The following LRRC8A variants were observed in gnomAD, a reference collection of about 807,000 sequenced individuals.
LRRC8A encodes volume-regulated anion channel subunit LRRC8A.
In LRRC8A, 24 loss-of-function variants were observed where a neutral mutation model predicts 52.5. That is an observed-to-expected ratio of 0.46 (90% CI 0.33 to 0.64). LRRC8A has a LOEUF of 0.64. Among genes scored for constraint, LRRC8A ranks in the 30% least tolerant of loss-of-function variants. LRRC8A has a pLI of 0.02. For missense variants in LRRC8A, 677 were observed against 1,094.7 expected (o/e 0.62, Z 5.38); for synonymous variants, 492 against 494.2 (o/e 1.00, Z 0.06).
chr9:128,913,154 G>A (rs540693361), intron 3 of LRRC8A, among the ~76,000 whole-genome samples: 1 of 152,288 alleles, frequency 6.6e-6, no homozygotes, highest in East Asian at 1.9e-4. Context: ...AGAGCGTGGG[G>A]CACATGGGGC....
rs1839943861 is a variant in LRRC8A at position 128,899,408 on chromosome 9, C to T, written c.-8-7749C>T. Reference sequence around the variant, plus strand: ...GGGCTCTCGGTGGGGTCTGCTCCATCTGAATGGCCCACCCTGGAGGTGCTG... The same window carrying T: ...GGGCTCTCGGTGGGGTCTGCTCCATTTGAATGGCCCACCCTGGAGGTGCTG... On this transcript the variant is annotated intron_variant, in intron 2 of 3. Transcript: ENST00000372600. The surrounding 1 kb of genome is among the most constrained non-coding windows in gnomAD (Gnocchi z 4.0). Among the ~76,000 whole-genome samples, 1 of 151,510 alleles carries T rather than the reference C, an allele frequency of 6.6e-6. No individual in the cohort carries two copies. Among genetic ancestry groups the T allele is most frequent in the South Asian group, 2.1e-4 (1 of 4,754 alleles).
At chr9:128,905,506 C>G (rs562601854) in intron 2 of LRRC8A, among the ~76,000 whole-genome samples, 32 of 152,266 alleles carry the variant, frequency 2.1e-4, no homozygotes, top group African/African-American at 7.2e-4. Flanking sequence ...GCCAGTGTTT[C>G]CCAAGCTTGG....
intron 2 of LRRC8A, among the ~76,000 whole-genome samples, chr9:128,905,720 T>G (rs564336724): frequency 6.6e-6 from 1 of 152,056 alleles, no homozygotes; most frequent in African/African-American, 2.4e-5. Flanking sequence ...GGTGCAGGCC[T>G]GTAGTCCCAG....
chr9:128,906,395 T>C (rs1362803165), intron 2 of LRRC8A, among the ~76,000 whole-genome samples: 1 of 134,094 alleles, frequency 7.5e-6, no homozygotes, highest in African/African-American at 2.8e-5. Flanking sequence ...CAATCTCAGC[T>C]CACTGCAACC....
chr9:128,915,568 G>A (rs1342616196), intron 3 of LRRC8A, among the ~76,000 whole-genome samples: 12 of 152,184 alleles, frequency 7.9e-5, no homozygotes, highest in African/African-American at 1.7e-4. Flanking sequence ...CTCGTGATCC[G>A]CCCGCCTCAG....
chr9:128,888,869 C>T (rs1013279404), intron 2 of LRRC8A, among the ~76,000 whole-genome samples: 5 of 152,060 alleles, frequency 3.3e-5, no homozygotes, highest in African/African-American at 7.2e-5. Context: ...AGAGCTGGCC[C>T]CTCCACAGAT....
chr9:128,907,373 G>A lies in LRRC8A; in HGVS notation c.209G>A (p.Arg70Gln), dbSNP rs762843165. The A allele has an allele frequency of 9.1e-5, 147 of 1,613,380 alleles. 1 individual carries two copies. The highest frequency in any genetic ancestry group is 3.6e-4 in the South Asian group (33 of 91,080). Residue 70 changes from arginine to glutamine, a missense_variant, in exon 3 of 4, where the codon CGG (arginine) becomes CAG (glutamine). Around this residue, in one of 4 missense-constraint regions of LRRC8A, gnomAD observed 54 missense variants for 49.7 expected, o/e 1.09. Coordinates refer to ENST00000372600, the MANE Select transcript of LRRC8A (RefSeq NM_019594.4). This position sits in a 1 kb window ranked among gnomAD's most constrained non-coding sequence, Gnocchi z 9.3. ...AAGGACTCCTGCAATGATTCGTTCC[G>A]GGGCTGGGCAGCCCCTGGCCCGGAG... ...VTKDSCNDSF[R>Q]GWAAPGPEPT...
chr9:128,893,118 G>C (rs1012536711), intron 2 of LRRC8A, among the ~76,000 whole-genome samples: 1 of 152,116 alleles, frequency 6.6e-6, no homozygotes, highest in Non-Finnish European at 1.5e-5. Context: ...TGAACCTAAT[G>C]ACTGGCTCTG....
rs778685359 is a variant in LRRC8A, at chr9:128,908,664, C to G, written c.1500C>G (p.Ile500Met). The change falls in exon 3 of 4, where the codon ATC (isoleucine) becomes ATG (methionine). Residue 500 changes from isoleucine to methionine, a missense_variant. Coordinates refer to ENST00000372600, the MANE Select transcript of LRRC8A (RefSeq NM_019594.4). ...GTGAGAACCTGCGGGCGCTGCACATCAAGTTCACCGACATCAAGGAGATCC... is the reference window on the plus strand; with the variant it reads ...GTGAGAACCTGCGGGCGCTGCACATGAAGTTCACCGACATCAAGGAGATCC... ...FLRENLRALH[I>M]KFTDIKEIPL... The G allele has an allele frequency of 1.2e-6, 2 of 1,612,910 alleles. No individual in the cohort carries two copies. The highest frequency in any genetic ancestry group is 2.2e-5 in the South Asian group (2 of 91,076).
chr9:128,890,128 TTTTGTGTGTG>T (rs900565729), intron 2 of LRRC8A, among the ~76,000 whole-genome samples: 9 of 41,416 alleles, frequency 2.2e-4, no homozygotes, highest in South Asian at 9.6e-4. Flanking sequence ...AGTGGCTTCA[TTTTGTGTGTG>T]TGTGTGTGTG....
Position 128,908,677 on chromosome 9 carries a change from A to G in LRRC8A, c.1513A>G (p.Ile505Val). ...GGCGCTGCACATCAAGTTCACCGACATCAAGGAGATCCCGCTGTGGATCTA... is the reference window on the plus strand; with the variant it reads ...GGCGCTGCACATCAAGTTCACCGACGTCAAGGAGATCCCGCTGTGGATCTA... ...LRALHIKFTDIKEIPLWIYSL... is the reference protein window; with the variant it reads ...LRALHIKFTDVKEIPLWIYSL... Residue 505 changes from isoleucine (I) to valine (V), a missense_variant, in exon 3 of 4, where the codon ATC becomes GTC. Physicochemically the swap from Ile to Val is conservative, Grantham distance 29 (BLOSUM62 3). Around this residue, in one of 4 missense-constraint regions of LRRC8A, gnomAD observed 422 missense variants for 741.5 expected, o/e 0.57. Coordinates refer to ENST00000372600, the MANE Select transcript of LRRC8A (RefSeq NM_019594.4). 1.2e-6 allele frequency: 2 copies of G among 1,612,902 alleles called. No homozygotes were observed. Among genetic ancestry groups the G allele is most frequent in the Non-Finnish European group, 1.7e-6 (2 of 1,179,964 alleles).
chr9:128,893,078 G>A (rs1482621856), intron 2 of LRRC8A, among the ~76,000 whole-genome samples: 2 of 152,300 alleles, frequency 1.3e-5, no homozygotes, highest in Admixed American at 1.3e-4. Flanking sequence ...CCCTGTCTTC[G>A]AGAAGCATCC....
chr9:128,915,437 G>A (rs1489354082), intron 3 of LRRC8A, among the ~76,000 whole-genome samples: 1 of 152,190 alleles, frequency 6.6e-6, no homozygotes, highest in Admixed American at 6.5e-5. Flanking sequence ...CCATTCTCCT[G>A]CCTCAGCCTC....
rs545694174 is a variant in LRRC8A, at chr9:128,902,236, T to C, written c.-8-4921T>C. 1.2e-3 allele frequency among the ~76,000 whole-genome samples: 179 copies of C among 152,338 alleles called. 2 individuals carry two copies. Among genetic ancestry groups the C allele is most frequent in the Non-Finnish European group, 1.9e-3 (131 of 68,026 alleles). On this transcript the variant is annotated intron_variant, in intron 2 of 3. Coordinates refer to ENST00000372600, the MANE Select transcript of LRRC8A (RefSeq NM_019594.4). The surrounding 1 kb of genome is among the most constrained non-coding windows in gnomAD (Gnocchi z 4.1). ...ACCCCCGCTGGACCTAGCCAAGGGC[T>C]GAACAGAGTCCGGATGTTCCCAGAC...
At position 128,907,767 on chromosome 9, in the gene LRRC8A, CAGTG is replaced by C; in HGVS notation, c.606_609del (p.Ser202ArgfsTer45). Reference sequence around the variant, plus strand: ...CCATGGACAAAAAGTCATCGACCGTCAGTGAGGACGTGGAGGCCACCGTGCCCAT... The same window carrying C: ...CCATGGACAAAAAGTCATCGACCGTCAGGACGTGGAGGCCACCGTGCCCAT... On this transcript the variant is annotated frameshift_variant, in exon 3 of 4. Transcript: ENST00000372600. LOFTEE classifies it high-confidence loss of function. The surrounding 1 kb of genome is among the most constrained non-coding windows in gnomAD (Gnocchi z 9.3). 6.2e-7 allele frequency: 1 copy of C among 1,613,892 alleles called. No homozygotes were observed. Among genetic ancestry groups the C allele is most frequent in the Non-Finnish European group, 8.5e-7 (1 of 1,179,956 alleles).
chr9:128,893,563 A>G (rs1215073532), intron 2 of LRRC8A, among the ~76,000 whole-genome samples: 1 of 152,162 alleles, frequency 6.6e-6, no homozygotes, highest in Admixed American at 6.5e-5. Flanking sequence ...CTCTGCTCCC[A>G]GGAGGTGAGG....
At chr9:128,898,866 G>C (rs1396391028) in intron 2 of LRRC8A, among the ~76,000 whole-genome samples, 2 of 152,366 alleles carry the variant, frequency 1.3e-5, no homozygotes, top group South Asian at 2.1e-4. Context: ...CTTCATGATA[G>C]TCCTGAGAGC....
In LRRC8A at chr9:128,908,884, A is replaced by G; in HGVS notation, c.1720A>G (p.Ile574Val). The G allele has an allele frequency of 3.1e-6, 5 of 1,613,920 alleles. No homozygotes were observed. Among genetic ancestry groups the G allele is most frequent in the Non-Finnish European group, 4.2e-6 (5 of 1,180,036 alleles). Residue 574 changes from isoleucine to valine, a missense_variant, in exon 3 of 4, where the codon ATC becomes GTC. Ile to Val is a conservative substitution (Grantham distance 29, BLOSUM62 3). Coordinates refer to ENST00000372600, the MANE Select transcript of LRRC8A (RefSeq NM_019594.4). ...DVGVHLQKLSINNEGTKLIVL... is the reference protein window; with the variant it reads ...DVGVHLQKLSVNNEGTKLIVL... ...GGGCGTGCACCTGCAGAAGCTGTCC[A>G]TCAACAATGAGGGCACCAAGCTCAT... is the stretch of plus-strand genomic sequence containing the variant.
rs767057883 is a variant in LRRC8A at position 128,916,311 on chromosome 9, C to G, written c.2373C>G (p.Phe791Leu). The change falls in exon 4 of 4, where the codon TTC (phenylalanine) becomes TTG (leucine). Residue 791 changes from phenylalanine to leucine, a missense_variant. This residue lies in a region of LRRC8A where 169 missense variants were observed against 217.6 expected (regional missense o/e 0.78). Transcript: ENST00000372600. The surrounding 1 kb of genome is among the most constrained non-coding windows in gnomAD (Gnocchi z 6.1). ...GCTTGGTGGTGGAGGAGGACCTGTT[C>G]AACACACTGCCACCCGAGGTGAAGG... ...RSGLVVEEDL[F>L]NTLPPEVKER... 2 of 1,612,844 alleles carry G rather than the reference C, an allele frequency of 1.2e-6. No homozygotes were observed. Among genetic ancestry groups the G allele is most frequent in the South Asian group, 2.2e-5 (2 of 91,016 alleles).
Sources: gnomAD v4.1 joint callset for allele counts (sites outside exome capture counted in the v4.1 genomes callset) on GRCh38, gnomAD v4.1.1 for gene constraint, gnomAD v4.1.1 regional missense constraint, Gnocchi (gnomAD v3.1) non-coding constraint, MANE v1.5 for transcripts, NCBI Gene and HGNC (gene_info 2026-07-23, HGNC 2026-07-21) for gene names.